The following TRMT11 variants were observed in gnomAD, a reference collection of about 807,000 sequenced individuals.
The protein encoded by TRMT11 is tRNA methyltransferase 11.
In TRMT11, 53 loss-of-function variants were observed where a neutral mutation model predicts 62.8. That is an observed-to-expected ratio of 0.84 (90% CI 0.68 to 1.06). The LOEUF (loss-of-function observed/expected upper bound fraction) is 1.06, where lower values mean the gene tolerates loss of function less well. TRMT11 is among the 50% of genes least tolerant of loss of function. TRMT11 has a pLI of 0.00. For missense variants in TRMT11, 556 were observed against 553.4 expected, an observed-to-expected ratio of 1.00 and a Z score of -0.05; for synonymous variants, 188 against 190.3, an observed-to-expected ratio of 0.99 and a Z score of 0.10.
intron 7 of TRMT11, among the ~76,000 whole-genome samples, chr6:126,003,204 G>A (rs762533364): frequency 1.3e-5 from 2 of 152,104 alleles, no homozygotes; most frequent in South Asian, 4.1e-4. Context: ...ACCACATGTG[G>A]CCCAGATGGC....
At chr6:126,122,313 G>T (rs1777659614) in intron 21 of TRMT11, among the ~76,000 whole-genome samples, 1 of 152,024 alleles carries the variant, frequency 6.6e-6, no homozygotes, top group African/African-American at 2.4e-5. Flanking sequence ...AGCCTCCACA[G>T]CAGCCTTAGA....
the TRMT11 span, among the ~76,000 whole-genome samples, chr6:126,253,199 G>C: frequency 6.6e-6 from 1 of 151,998 alleles, no homozygotes; most frequent in Non-Finnish European, 1.5e-5. Flanking sequence ...CACTTTGGGA[G>C]GCTGGGTCTA....
chr6:126,089,294 A>T lies in TRMT11; in HGVS notation c.*1438-23572A>T, dbSNP rs949256562. On this transcript the variant is annotated intron_variant and NMD_transcript_variant, in intron 17 of 22. Coordinates refer to the TRMT11 transcript ENST00000648977. Reference sequence around the variant, plus strand: ...GTGCCCAGCAAATTTTTGCATTTTCAGTAGAGACAGGTTTTCACCATGTTG... The same window carrying T: ...GTGCCCAGCAAATTTTTGCATTTTCTGTAGAGACAGGTTTTCACCATGTTG... Among the ~76,000 whole-genome samples, 4 of 151,912 alleles carry T rather than the reference A, an allele frequency of 2.6e-5. No individual in the cohort carries two copies. In the East Asian group the frequency reaches 7.7e-4, roughly 29 times the overall value.
At chr6:126,223,333 G>A in the TRMT11 span, among the ~76,000 whole-genome samples, 5 of 152,022 alleles carry the variant, frequency 3.3e-5, no homozygotes, top group African/African-American at 1.2e-4. Context: ...AGGCAGGAGA[G>A]TGACATGAAC....
At chr6:126,113,296 G>A (rs1777552170) in intron 18 of TRMT11, among the ~76,000 whole-genome samples, 1 of 152,072 alleles carries the variant, frequency 6.6e-6, no homozygotes, top group Non-Finnish European at 1.5e-5. Flanking sequence ...GAGTCTCTAT[G>A]TGGATGATAA....
In TRMT11 at chr6:126,089,111, T is replaced by C. The variant is rs147227995; in HGVS notation, c.*1438-23755T>C. On this transcript the variant is annotated intron_variant and NMD_transcript_variant, in intron 17 of 22. Transcript: ENST00000648977. ...TACTCTCTGCAAAGCTCTTTACATG[T>C]AATCTTTTTTTTTTTTTCCCAAGAT... Among the ~76,000 whole-genome samples the C allele has an allele frequency of 1.7e-3, 260 of 152,092 alleles. 1 individual carries two copies. Among genetic ancestry groups the C allele is most frequent in the African/African-American group, 6.0e-3 (250 of 41,494 alleles).
the TRMT11 span, among the ~76,000 whole-genome samples, chr6:126,240,602 G>A: frequency 6.6e-6 from 1 of 152,186 alleles, no homozygotes; most frequent in Non-Finnish European, 1.5e-5. Context: ...GGCCGTGTGA[G>A]GTGTCAGTCT....
At chr6:126,245,090 T>G in the TRMT11 span, among the ~76,000 whole-genome samples, 1 of 152,250 alleles carries the variant, frequency 6.6e-6, no homozygotes. Context: ...CCCATTTGTC[T>G]TCAGTTTCTT....
At chr6:126,017,391 G>A (rs537974978) in intron 11 of TRMT11, among the ~76,000 whole-genome samples, 1 of 152,310 alleles carries the variant, frequency 6.6e-6, no homozygotes, top group South Asian at 2.1e-4. Context: ...AATTGTGAGA[G>A]CTAATGATTG....
At chr6:126,179,997 T>G (rs1166064285) in intron 1 of TRMT11, among the ~76,000 whole-genome samples, 1 of 152,164 alleles carries the variant, frequency 6.6e-6, no homozygotes. Context: ...AAAAACCTAT[T>G]TGTAAACTAT....
At chr6:126,242,758 C>T in the TRMT11 span, among the ~76,000 whole-genome samples, 2 of 152,174 alleles carry the variant, frequency 1.3e-5, no homozygotes, top group African/African-American at 2.4e-5. Flanking sequence ...TGGACCCCTT[C>T]CTTACACCTC....
At chr6:126,051,923 A>G (rs1776230816) in intron 16 of TRMT11, among the ~76,000 whole-genome samples, 1 of 152,184 alleles carries the variant, frequency 6.6e-6, no homozygotes, top group African/African-American at 2.4e-5. Flanking sequence ...AACAAAACAA[A>G]CAGAAAACCA....
the TRMT11 span, among the ~76,000 whole-genome samples, chr6:126,243,929 T>C: frequency 6.6e-6 from 1 of 151,862 alleles, no homozygotes; most frequent in Non-Finnish European, 1.5e-5. Context: ...ACTTAAAGTA[T>C]AATAAAAAAA....
At chr6:126,124,792 C>G (rs773790576) in intron 21 of TRMT11, among the ~76,000 whole-genome samples, 5 of 152,062 alleles carry the variant, frequency 3.3e-5, no homozygotes, top group Non-Finnish European at 5.9e-5. Flanking sequence ...CAATCTTCAG[C>G]TAACACCATA....
At chr6:126,046,825 C>A (rs768247463) in intron 16 of TRMT11, among the ~76,000 whole-genome samples, 1 of 152,160 alleles carries the variant, frequency 6.6e-6, no homozygotes, top group Non-Finnish European at 1.5e-5. Flanking sequence ...CTTTTTGCAT[C>A]TGAATATATA....
At chr6:126,112,488 T>A (rs996147942) in intron 17 of TRMT11, among the ~76,000 whole-genome samples, 17 of 152,274 alleles carry the variant, frequency 1.1e-4, no homozygotes, top group Non-Finnish European at 1.9e-4. Flanking sequence ...ATATGAAGCT[T>A]CCTTCAACTG....
intron 21 of TRMT11, among the ~76,000 whole-genome samples, chr6:126,139,075 T>G (rs1042479535): frequency 6.6e-6 from 1 of 151,990 alleles, no homozygotes; most frequent in Non-Finnish European, 1.5e-5. Flanking sequence ...GCCCTTTTAT[T>G]TTCCTGGTTC....
the TRMT11 span, among the ~76,000 whole-genome samples, chr6:126,226,112 A>G: frequency 3.3e-5 from 5 of 152,226 alleles, no homozygotes; most frequent in Admixed American, 6.5e-5. Context: ...TTGGGCTTTT[A>G]TGAAAATAAA....
intron 12 of TRMT11, among the ~76,000 whole-genome samples, chr6:126,031,613 G>A (rs1420563388): frequency 1.3e-5 from 2 of 152,154 alleles, no homozygotes. Context: ...GAGGCATTGT[G>A]GTATATGTGG....
Sources: allele counts gnomAD v4.1 joint callset (sites outside exome capture counted in the v4.1 genomes callset), GRCh38; gene constraint gnomAD v4.1.1; transcripts MANE v1.5; gene names NCBI Gene and HGNC (gene_info 2026-07-23, HGNC 2026-07-21).